The following COLEC12 variants were observed in gnomAD, a reference collection of about 807,000 sequenced individuals.
The protein encoded by COLEC12 is collectin subfamily member 12.
COLEC12 carries 33 observed loss-of-function variants against 71.1 expected under a neutral mutation model. The ratio of observed to expected loss-of-function variants is 0.46; its 90% CI spans 0.35 to 0.62. The LOEUF (loss-of-function observed/expected upper bound fraction) is 0.62, where lower values mean the gene tolerates loss of function less well. Among genes scored for constraint, COLEC12 ranks in the 20% least tolerant of loss-of-function variants. COLEC12 has a pLI of 0.00. For synonymous variants in COLEC12, 350 were observed against 353.0 expected (o/e 0.99, Z 0.10); for missense variants, 765 against 916.1 (o/e 0.84, Z 2.13).
At chr18:392,295 T>A (rs191080960) in intron 2 of COLEC12, among the ~76,000 whole-genome samples, 1 of 152,294 alleles carries the variant, frequency 6.6e-6, no homozygotes, top group East Asian at 1.9e-4. Context: ...CGCCTGAACC[T>A]TGAAAGGTAA....
At chr18:332,469 G>T (rs8094638) in intron 7 of COLEC12, among the ~76,000 whole-genome samples, 24,825 of 152,170 alleles carry the variant, frequency 0.16, 2,144 homozygotes, top group Middle Eastern at 0.22. Context: ...AGTTTTCCTA[G>T]CCGTCAAATG....
intron 2 of COLEC12, among the ~76,000 whole-genome samples, chr18:406,339 C>T (rs1025084588): frequency 2.0e-5 from 3 of 151,852 alleles, no homozygotes; most frequent in Non-Finnish European, 4.4e-5. Context: ...GAAACCCCGT[C>T]TCTACTAAAA....
chr18:317,798 C>A lies in COLEC12; in HGVS notation c.*2247G>T, dbSNP rs1370018129. The A allele has an allele frequency of 6.6e-6, 1 of 152,214 alleles. No individual in the cohort carries two copies. Among genetic ancestry groups the A allele is most frequent in the Non-Finnish European group, 1.5e-5 (1 of 68,060 alleles). The allele number at this position is 152,214 out of a possible 1,614,324, so 9.4% of individuals were successfully genotyped here. On this transcript the variant is annotated 3_prime_UTR_variant, in exon 10 of 10. Coordinates refer to ENST00000400256, the MANE Select transcript of COLEC12 (RefSeq NM_130386.3). ...TGCCGTGCCCGCCTTGTGGTGCAGG[C>A]TTCAGCAGTTTAGGCCCAGAGGACT...
At chr18:348,288 A>T in intron 3 of COLEC12, 125 bp from the exon 4 acceptor site, 1 of 574,812 alleles carries the variant, frequency 1.7e-6, no homozygotes, top group South Asian at 2.6e-5. Context: ...GTGTAACTGA[A>T]ATCAAATATA....
At chr18:405,316 C>T (rs1406244047) in intron 2 of COLEC12, among the ~76,000 whole-genome samples, 3 of 152,166 alleles carry the variant, frequency 2.0e-5, no homozygotes, top group Non-Finnish European at 4.4e-5. Context: ...AGCATGTGAT[C>T]TTTGTTAGAT....
chr18:378,861 C>G (rs537836636), intron 2 of COLEC12, among the ~76,000 whole-genome samples: 59 of 152,260 alleles, frequency 3.9e-4, no homozygotes, highest in African/African-American at 1.4e-3. Flanking sequence ...ACCTGCTTTG[C>G]TCTGCCATCC....
intron 5 of COLEC12, among the ~76,000 whole-genome samples, chr18:343,320 G>A (rs557354389): frequency 2.0e-5 from 3 of 152,136 alleles, no homozygotes; most frequent in Non-Finnish European, 4.4e-5. Flanking sequence ...AGGCTCAGGT[G>A]GGGGAGGCCG....
In COLEC12 at chr18:335,180, G is replaced by C. The variant is rs988846521; in HGVS notation, c.1378C>G (p.Pro460Ala). The C allele has an allele frequency of 1.9e-6, 3 of 1,611,658 alleles. No homozygotes were observed. The highest frequency in any genetic ancestry group is 1.3e-5 in the African/African-American group (1 of 74,716). ...TGTCCCTTGTTGCCAGTTGGGCCAG[G>C]GGGTCCCTGGGATCCTCTGTCACCT... ...PRGDRGSQGPPGPTGNKGQKG... is the reference protein window; with the variant it reads ...PRGDRGSQGPAGPTGNKGQKG... The change falls in exon 6 of 10, where the codon CCT becomes GCT. Residue 460 changes from proline (P) to alanine (A), a missense_variant. Physicochemically the swap from Pro to Ala is conservative, Grantham distance 27. Transcript: ENST00000400256.
intron 2 of COLEC12, among the ~76,000 whole-genome samples, chr18:450,314 AG>A (rs1323582199): frequency 2.0e-5 from 3 of 151,984 alleles, no homozygotes; most frequent in Non-Finnish European, 4.4e-5. Flanking sequence ...CCCAATGTTG[AG>A]GGGGGGCCTG....
chr18:491,741 C>T (rs1488321622), intron 1 of COLEC12, among the ~76,000 whole-genome samples: 3 of 152,136 alleles, frequency 2.0e-5, no homozygotes. Context: ...TGGGCTTCAG[C>T]AAATTGGCAC....
chr18:410,341 C>T (rs1166070719), intron 2 of COLEC12, among the ~76,000 whole-genome samples: 1 of 152,110 alleles, frequency 6.6e-6, no homozygotes, highest in Non-Finnish European at 1.5e-5. Flanking sequence ...ATCCTGACAT[C>T]AGATAGGAAA....
Position 327,531 on chromosome 18 carries a change from C to G in COLEC12, c.2063+4137G>C, listed in dbSNP as rs909971076. On this transcript the variant is annotated intron_variant, in intron 8 of 9. Coordinates refer to ENST00000400256, the MANE Select transcript of COLEC12 (RefSeq NM_130386.3). The surrounding 1 kb of genome is among the most constrained non-coding windows in gnomAD (Gnocchi z 4.0). ...GGTTGAGTGTTTCATGGGAAATAAG[C>G]CTGAGCTCAATCTGTGTGTCCCCTA... 6.6e-6 allele frequency among the ~76,000 whole-genome samples: 1 copy of G among 152,210 alleles called. No individual in the cohort carries two copies. Among genetic ancestry groups the G allele is most frequent in the Non-Finnish European group, 1.5e-5 (1 of 68,032 alleles).
chr18:500,612 T>A lies in COLEC12; in HGVS notation c.-98A>T. 1 of 1,019,234 alleles carries A rather than the reference T, an allele frequency of 9.8e-7. No homozygotes were observed. The highest frequency in any genetic ancestry group is 1.2e-6 in the Non-Finnish European group (1 of 809,478). The allele number at this position is 1,019,234 out of a possible 1,614,324, so 63.1% of individuals were successfully genotyped here. On this transcript the variant is annotated 5_prime_UTR_variant, in exon 1 of 10. Transcript: ENST00000400256. This position sits in a 1 kb window ranked among gnomAD's most constrained non-coding sequence, Gnocchi z 5.3. ...GCGGCTGCTCACCGCACGCCCATGGTAGCCGCGCCGCGCGCCGGCCGTCTG... is the reference window on the plus strand; with the variant it reads ...GCGGCTGCTCACCGCACGCCCATGGAAGCCGCGCCGCGCGCCGGCCGTCTG...
chr18:358,831 CT>C (rs1914683210), intron 2 of COLEC12, among the ~76,000 whole-genome samples: 1 of 152,138 alleles, frequency 6.6e-6, no homozygotes, highest in Non-Finnish European at 1.5e-5. Flanking sequence ...TTTCTGGCAA[CT>C]TTAACACAAT....
chr18:385,049 G>A (rs1598346686), intron 2 of COLEC12, among the ~76,000 whole-genome samples: 1 of 152,188 alleles, frequency 6.6e-6, no homozygotes, highest in African/African-American at 2.4e-5. Flanking sequence ...AACTCTGGAG[G>A]AGACCCCTGC....
chr18:372,416 T>C (rs886805009), intron 2 of COLEC12, among the ~76,000 whole-genome samples: 1 of 151,718 alleles, frequency 6.6e-6, no homozygotes, highest in Non-Finnish European at 1.5e-5. Flanking sequence ...GAAAGAGTGT[T>C]TTTTGTTTGT....
intron 1 of COLEC12, among the ~76,000 whole-genome samples, chr18:495,194 A>C (rs1917686891): frequency 6.6e-6 from 1 of 152,230 alleles, no homozygotes; most frequent in South Asian, 2.1e-4. Context: ...AAAAGAAATC[A>C]AATCACTGCT....
At chr18:468,371 A>G (rs549979141) in intron 2 of COLEC12, among the ~76,000 whole-genome samples, 4 of 152,360 alleles carry the variant, frequency 2.6e-5, no homozygotes, top group African/African-American at 7.2e-5. Flanking sequence ...AACCTTTGAA[A>G]TCATCTACCC....
chr18:383,408 T>C (rs1915276003), intron 2 of COLEC12, among the ~76,000 whole-genome samples: 1 of 152,042 alleles, frequency 6.6e-6, no homozygotes, highest in East Asian at 1.9e-4. Context: ...GGGAGATGTA[T>C]GTGCCCAACT....
Sources: allele counts gnomAD v4.1 joint callset (sites outside exome capture counted in the v4.1 genomes callset), GRCh38; gene constraint gnomAD v4.1.1; non-coding constraint Gnocchi (gnomAD v3.1); transcripts MANE v1.5; gene names NCBI Gene and HGNC (gene_info 2026-07-23, HGNC 2026-07-21).